JAK3: variants seen among roughly 807,000 people sequenced by gnomAD.
The protein encoded by JAK3 is tyrosine-protein kinase JAK3.
JAK3 carries 88 observed loss-of-function variants against 120.8 expected under a neutral mutation model. That is an observed-to-expected ratio of 0.73 (90% confidence interval 0.61 to 0.87). The LOEUF is 0.87. Ranked by LOEUF, JAK3 falls within the 40% of genes least tolerant of loss-of-function variation. The pLI, the probability that JAK3 is intolerant of heterozygous loss-of-function variation, is 0.00. For missense variants in JAK3, 1,254 were observed against 1,501.4 expected, an observed-to-expected ratio of 0.84 and a Z score of 2.72; for synonymous variants, 592 against 628.6, an observed-to-expected ratio of 0.94 and a Z score of 0.87.
chr19:17,827,764 A>G (rs1167611476), intron 23 of JAK3, among the ~76,000 whole-genome samples: 2 of 131,560 alleles, frequency 1.5e-5, no homozygotes, highest in Non-Finnish European at 3.2e-5. Context: ...AAAAAATTAC[A>G]GGTGGCGTGT....
chr19:17,830,623 G>A lies in JAK3; in HGVS notation c.2979-3C>T, dbSNP rs776160215. The A allele has an allele frequency of 6.2e-6, 10 of 1,611,850 alleles. No homozygotes were observed. The South Asian group carries it at 1.1e-4, about 18-fold the overall frequency. ...CCGAGAGGGATTCGGGGGCATACCT[G>A]GAGAGGGGACAAGGTCTTGAGATGC... On this transcript the variant is annotated splice_region_variant and splice_polypyrimidine_tract_variant and intron_variant, in intron 21 of 23. Coordinates refer to ENST00000458235, the MANE Select transcript of JAK3 (RefSeq NM_000215.4).
rs1306076580 is a variant in JAK3, at chr19:17,826,974, C to G, written c.3208-64G>C. On this transcript the variant is annotated intron_variant, in intron 23 of 23. Transcript: ENST00000458235. Reference sequence around the variant, plus strand: ...CAGTCCAAAGGACACAACTCCCATTCAGCGTATTTGTTTTTGTTTTTTTGA... The same window carrying G: ...CAGTCCAAAGGACACAACTCCCATTGAGCGTATTTGTTTTTGTTTTTTTGA... 3 of 1,554,214 alleles carry G rather than the reference C, an allele frequency of 1.9e-6. No homozygotes were observed. In the African/African-American group the frequency reaches 4.1e-5, roughly 21 times the overall value.
Position 17,844,138 on chromosome 19 carries a change from G to A in JAK3, c.184+96C>T, listed in dbSNP as rs3212714. On this transcript the variant is annotated intron_variant, in intron 2 of 23. Transcript: ENST00000458235. ...ACTCATCCCCCAAAGCCCCAGCTCC[G>A]ATGCTGACTTCTGCAGGCAACTATT... The A allele has an allele frequency of 0.31, 417,396 of 1,359,440 alleles. 65,594 individuals are homozygous for A. The highest frequency in any genetic ancestry group is 0.46 in the African/African-American group (31,604 of 69,352). The allele number at this position is 1,359,440 out of a possible 1,614,324, so 84.2% of individuals were successfully genotyped here.
Position 17,838,031 on chromosome 19 carries a change from C to T in JAK3, c.1602G>A (p.Lys534=). The T allele has an allele frequency of 1.9e-6, 3 of 1,614,128 alleles. No homozygotes were observed. Among genetic ancestry groups the T allele is most frequent in the Non-Finnish European group, 2.5e-6 (3 of 1,180,022 alleles). Residue 534 remains lysine, a synonymous_variant, in exon 12 of 24, where the codon AAG becomes AAA. Coordinates refer to ENST00000458235, the MANE Select transcript of JAK3 (RefSeq NM_000215.4). ...HENLGHGSFT[K]IYRGCRHEVV... is the part of the protein sequence containing the mutation. ...CCTCATGGCGACAGCCCCGGTAAATCTTGGTGAAGGACCCATGGCCCAGGT... is the reference window on the plus strand; with the variant it reads ...CCTCATGGCGACAGCCCCGGTAAATTTTGGTGAAGGACCCATGGCCCAGGT...
Position 17,837,937 on chromosome 19 carries a change from T to C in JAK3, c.1696A>G (p.Met566Val). 2 of 1,614,010 alleles carry C rather than the reference T, an allele frequency of 1.2e-6. No individual in the cohort carries two copies. The highest frequency in any genetic ancestry group is 1.7e-5 in the Admixed American group (1 of 59,982). ...KVMDAKHKNC[M>V]ESFLEAASLM... ...CTGGTCCACATTGCTCTCACCTCCA[T>C]GCAGTTCTTGTGCTTGGCATCCATG... The change falls in exon 12 of 24, where the codon ATG becomes GTG. Residue 566 changes from methionine (M) to valine (V), a missense_variant. By Grantham distance (21) the Met-to-Val change is conservative. Around this residue, in one of 3 missense-constraint regions of JAK3, gnomAD observed 630 missense variants for 819.8 expected, o/e 0.77. Transcript: ENST00000458235.
rs200313262 is a variant in JAK3, at chr19:17,832,714, G to A, written c.2491-6C>T. 1 of 1,614,234 alleles carries A rather than the reference G, an allele frequency of 6.2e-7. No homozygotes were observed. The highest frequency in any genetic ancestry group is 8.5e-7 in the Non-Finnish European group (1 of 1,180,044). ...TCCACGCTGCCAAAGTTGCCCTGGG[G>A]GATAGCGGGACTGATGTCCAGGCAC... On this transcript the variant is annotated splice_polypyrimidine_tract_variant and splice_region_variant and intron_variant, in intron 18 of 23. Transcript: ENST00000458235. The surrounding 1 kb of genome is among the most constrained non-coding windows in gnomAD (Gnocchi z 4.7).
chr19:17,829,705 A>C (rs1247098148), intron 23 of JAK3: 2 of 329,564 alleles, frequency 6.1e-6, no homozygotes, highest in East Asian at 9.6e-5. Flanking sequence ...GGCTGCAGTG[A>C]GCTATAATTG....
In JAK3 at chr19:17,831,640, G is replaced by GGCCCAC. The variant is rs770910289; in HGVS notation, c.2805+33_2805+34insGTGGGC. ...GACCCCTGCCCAGGCCGTGCCAGCT[G>GGCCCAC]AATCCCCACAAGTCCCGGGGCGCCC... On this transcript the variant is annotated intron_variant, in intron 20 of 23. Transcript: ENST00000458235. This position sits in a 1 kb window ranked among gnomAD's most constrained non-coding sequence, Gnocchi z 5.1. The GGCCCAC allele has an allele frequency of 2.5e-6, 4 of 1,594,446 alleles. No individual in the cohort carries two copies. The African/African-American group carries it at 4.0e-5, about 16-fold the overall frequency.
chr19:17,830,405 C>A, intron 22 of JAK3, 98 bp downstream of exon 22: 1 of 1,039,650 alleles, frequency 9.6e-7, no homozygotes, highest in Non-Finnish European at 1.5e-6. Flanking sequence ...ACCAGGTGAC[C>A]CCATGCTAAA....
rs1350376033 is a variant in JAK3, at chr19:17,843,586, C to G, written c.309-95G>C. 3.5e-6 allele frequency: 4 copies of G among 1,151,332 alleles called. No individual in the cohort carries two copies. The highest frequency in any genetic ancestry group is 1.9e-4 in the Middle Eastern group (1 of 5,198). The allele number at this position is 1,151,332 out of a possible 1,614,324, so 71.3% of individuals were successfully genotyped here. A position where few individuals can be genotyped will look rare whatever the true frequency, so the allele number is the denominator to read the frequency against. ...GGGCGAGGGACAGATTCTGCGGAGG[C>G]CTCACAGAGCCCAGCTTGTACCTTT... On this transcript the variant is annotated intron_variant, in intron 3 of 23. Transcript: ENST00000458235. The surrounding 1 kb of genome is among the most constrained non-coding windows in gnomAD (Gnocchi z 5.4).
intron 10 of JAK3, 155 bp downstream of exon 10, chr19:17,839,322 T>C: frequency 1.3e-6 from 1 of 746,972 alleles, no homozygotes; most frequent in Non-Finnish European, 2.4e-6. Flanking sequence ...AAAGGTTATA[T>C]ATCTCTAACT....
chr19:17,832,902 G>A lies in JAK3; in HGVS notation c.2378C>T (p.Pro793Leu). The change falls in exon 18 of 24, where the codon CCT (proline) becomes CTT (leucine). Residue 793 changes from proline to leucine, a missense_variant. By Grantham distance (98) the Pro-to-Leu change is moderately conservative. Coordinates refer to ENST00000458235, the MANE Select transcript of JAK3 (RefSeq NM_000215.4). The surrounding 1 kb of genome is among the most constrained non-coding windows in gnomAD (Gnocchi z 4.7). ...CCCATCACGAGGTGCCAGGGCACCA[G>A]GTGTGGGGTCTGAGAGGAGCTCATA... ...SDYELLSDPTPGALAPRDGLW... is the reference protein window; with the variant it reads ...SDYELLSDPTLGALAPRDGLW... 6.2e-7 allele frequency: 1 copy of A among 1,614,166 alleles called. No individual in the cohort carries two copies. The highest frequency in any genetic ancestry group is 1.1e-5 in the South Asian group (1 of 91,082).
At position 17,831,910 on chromosome 19, in the gene JAK3, T is replaced by C; in HGVS notation, c.2681-112A>G. Reference sequence around the variant, plus strand: ...CTCTCGACCTCAGTTTTGCTGACTGTAATATGGGAACCGCAACAATGACAC... The same window carrying C: ...CTCTCGACCTCAGTTTTGCTGACTGCAATATGGGAACCGCAACAATGACAC... On this transcript the variant is annotated intron_variant, in intron 19 of 23. Coordinates refer to ENST00000458235, the MANE Select transcript of JAK3 (RefSeq NM_000215.4). The surrounding 1 kb of genome is among the most constrained non-coding windows in gnomAD (Gnocchi z 5.1). 7.5e-7 allele frequency: 1 copy of C among 1,341,324 alleles called. No individual in the cohort carries two copies. The highest frequency in any genetic ancestry group is 1.2e-5 in the South Asian group (1 of 83,780). 83.1% of individuals were successfully genotyped at this position (1,341,324 alleles called of 1,614,324 possible).
Position 17,843,211 on chromosome 19 carries a change from C to T in JAK3, c.421-39G>A. 1 of 1,586,186 alleles carries T rather than the reference C, an allele frequency of 6.3e-7. No individual in the cohort carries two copies. The highest frequency in any genetic ancestry group is 8.6e-7 in the Non-Finnish European group (1 of 1,168,380). Reference sequence around the variant, plus strand: ...ACAGGGAGCATCAGCTGAGGCCACCCAACTTCAAGCCCTGTTGTTAACCTG... The same window carrying T: ...ACAGGGAGCATCAGCTGAGGCCACCTAACTTCAAGCCCTGTTGTTAACCTG... On this transcript the variant is annotated intron_variant, in intron 4 of 23. Coordinates refer to ENST00000458235, the MANE Select transcript of JAK3 (RefSeq NM_000215.4). This position sits in a 1 kb window ranked among gnomAD's most constrained non-coding sequence, Gnocchi z 5.4.
intron 12 of JAK3, 116 bp from the exon 13 acceptor site, chr19:17,837,329 CCTGG>C: frequency 1.3e-6 from 1 of 781,016 alleles, no homozygotes; most frequent in Non-Finnish European, 2.2e-6. Flanking sequence ...CACCTTTGGC[CCTGG>C]AGTCTGCCAT....
chr19:17,840,215 T>C lies in JAK3; in HGVS notation c.1254+15A>G. On this transcript the variant is annotated intron_variant, in intron 9 of 23. Coordinates refer to ENST00000458235, the MANE Select transcript of JAK3 (RefSeq NM_000215.4). ...CCAGGCAGCCCTCCACTACCCACCC[T>C]AGCAGTAGACCGACCTGGACACAGA... 1.3e-6 allele frequency: 2 copies of C among 1,582,326 alleles called. No individual in the cohort carries two copies. The highest frequency in any genetic ancestry group is 1.7e-6 in the Non-Finnish European group (2 of 1,151,398).
chr19:17,843,541 T>C lies in JAK3; in HGVS notation c.309-50A>G. ...GGATGAAAGTGCAACCCAGCCTCAG[T>C]AGGAGTGACATTATGGTGGGGGCGA... On this transcript the variant is annotated intron_variant, in intron 3 of 23. Coordinates refer to ENST00000458235, the MANE Select transcript of JAK3 (RefSeq NM_000215.4). The surrounding 1 kb of genome is among the most constrained non-coding windows in gnomAD (Gnocchi z 5.4). 1 of 1,349,070 alleles carries C rather than the reference T, an allele frequency of 7.4e-7. No individual in the cohort carries two copies. Among genetic ancestry groups the C allele is most frequent in the South Asian group, 1.2e-5 (1 of 82,034 alleles). The allele number at this position is 1,349,070 out of a possible 1,614,324, so 83.6% of individuals were successfully genotyped here.
In JAK3 at chr19:17,844,312, C is replaced by T. The variant is rs769828760; in HGVS notation, c.106G>A (p.Gly36Arg). ...LHVLLPARGP[G>R]PPQRLSFSFG... ...GAGAAAGATAGGCGCTGGGGGGGCCCGGGGCCCCGAGCGGGCAGCAGCACA... is the reference window on the plus strand; with the variant it reads ...GAGAAAGATAGGCGCTGGGGGGGCCTGGGGCCCCGAGCGGGCAGCAGCACA... The change falls in exon 2 of 24, where the codon GGG becomes AGG. Residue 36 changes from glycine to arginine, a missense_variant. Physicochemically the swap from Gly to Arg is moderately radical, Grantham distance 125. Coordinates refer to ENST00000458235, the MANE Select transcript of JAK3 (RefSeq NM_000215.4). 1.3e-5 allele frequency: 21 copies of T among 1,608,398 alleles called. No homozygotes were observed. The highest frequency in any genetic ancestry group is 5.3e-5 in the African/African-American group (4 of 74,938).
In JAK3 at chr19:17,832,774, G is replaced by A; in HGVS notation, c.2490+16C>T. On this transcript the variant is annotated intron_variant, in intron 18 of 23. Transcript: ENST00000458235. This position sits in a 1 kb window ranked among gnomAD's most constrained non-coding sequence, Gnocchi z 4.7. ...GCCCTGCCCTCTCCAACCCACCCTG[G>A]CCCTGCCCACCTTACCTTGCCCAGC... 6.2e-7 allele frequency: 1 copy of A among 1,614,198 alleles called. No individual in the cohort carries two copies. The highest frequency in any genetic ancestry group is 8.5e-7 in the Non-Finnish European group (1 of 1,180,014).
Sources: allele counts gnomAD v4.1 joint callset (sites outside exome capture counted in the v4.1 genomes callset), GRCh38; gene constraint gnomAD v4.1.1; regional missense constraint gnomAD v4.1.1; non-coding constraint Gnocchi (gnomAD v3.1); transcripts MANE v1.5; gene names NCBI Gene and HGNC (gene_info 2026-07-23, HGNC 2026-07-21).